The following IQSEC1 variants were observed in gnomAD, a reference collection of about 807,000 sequenced individuals.
IQSEC1 encodes the protein IQ motif and Sec7 domain ArfGEF 1, also known as IQ motif and SEC7 domain-containing protein 1.
IQSEC1 carries 31 observed loss-of-function variants against 91.0 expected under a neutral mutation model. That is an observed-to-expected ratio of 0.34 (90% CI 0.26 to 0.46). IQSEC1 has a LOEUF of 0.46. Among genes scored for constraint, IQSEC1 ranks in the 20% least tolerant of loss-of-function variants. IQSEC1 has a pLI of 1.00. For missense variants in IQSEC1, 1,388 were observed against 1,575.6 expected, an observed-to-expected ratio of 0.88 and a Z score of 2.02; for synonymous variants, 699 against 662.6, an observed-to-expected ratio of 1.05 and a Z score of -0.84.
intron 1 of IQSEC1, among the ~76,000 whole-genome samples, chr3:12,973,267 C>A (rs530267439): frequency 6.6e-6 from 1 of 152,342 alleles, no homozygotes; most frequent in African/African-American, 2.4e-5. Context: ...TCCCAGAATG[C>A]ACCCTGCACT....
rs757939109 is a variant in IQSEC1, at chr3:12,983,974, G to A, written c.24-42109C>T. Among the ~76,000 whole-genome samples the A allele has an allele frequency of 1.3e-5, 2 of 152,152 alleles. No homozygotes were observed. Among genetic ancestry groups the A allele is most frequent in the South Asian group, 4.1e-4 (2 of 4,824 alleles). On this transcript the variant is annotated intron_variant, in intron 1 of 13. Transcript: ENST00000613206. The surrounding 1 kb of genome is among the most constrained non-coding windows in gnomAD (Gnocchi z 4.3). ...AGGGCCTTTCATACGTGGGTTCTGG[G>A]GGATAGTAACATGGTAAACAGATGG... is the stretch of plus-strand genomic sequence containing the variant.
At chr3:12,937,938 A>T (rs560125161) in intron 2 of IQSEC1, among the ~76,000 whole-genome samples, 1 of 152,250 alleles carries the variant, frequency 6.6e-6, no homozygotes, top group Admixed American at 6.5e-5. Context: ...GGGGTGAGCT[A>T]CATGCAGGGA....
chr3:12,997,973 TCCA>T (rs1702283451), intron 1 of IQSEC1, among the ~76,000 whole-genome samples: 1 of 152,236 alleles, frequency 6.6e-6, no homozygotes, highest in Non-Finnish European at 1.5e-5. Context: ...TTCCTTAAAG[TCCA>T]CCAGTGAGGG....
intron 1 of IQSEC1, among the ~76,000 whole-genome samples, chr3:12,980,849 C>T (rs540030550): frequency 6.6e-6 from 1 of 152,344 alleles, no homozygotes; most frequent in Non-Finnish European, 1.5e-5. Flanking sequence ...TGCGTGGATG[C>T]TCCTTCCTGG....
At chr3:13,219,011 AC>A in intron 1 of IQSEC1, among the ~76,000 whole-genome samples, 1 of 152,140 alleles carries the variant, frequency 6.6e-6, no homozygotes, top group Admixed American at 6.5e-5. Flanking sequence ...CGCCACAGCC[AC>A]CCTGGTCCAG....
In IQSEC1 at chr3:12,967,648, C is replaced by G; in HGVS notation, c.24-25783G>C. ...CCGCGGCTCCGGCCCCAAGTCCGAG[C>G]CCCAGGCCAGCCAAGCCCGCCCCTC... On this transcript the variant is annotated intron_variant, in intron 1 of 13. Transcript: ENST00000613206. The surrounding 1 kb of genome is among the most constrained non-coding windows in gnomAD (Gnocchi z 5.9). The G allele has an allele frequency of 2.5e-6, 3 of 1,203,672 alleles. No individual in the cohort carries two copies. Among genetic ancestry groups the G allele is most frequent in the Non-Finnish European group, 3.1e-6 (3 of 971,206 alleles). The allele number at this position is 1,203,672 out of a possible 1,614,324, so 74.6% of individuals were successfully genotyped here.
chr3:13,264,439 C>T (rs1695448763), intron 1 of IQSEC1, among the ~76,000 whole-genome samples: 1 of 152,208 alleles, frequency 6.6e-6, no homozygotes, highest in Admixed American at 6.5e-5. Flanking sequence ...CTTGTGTTCG[C>T]CTGGGTTCCT....
intron 2 of IQSEC1, among the ~76,000 whole-genome samples, chr3:13,134,557 C>T (rs1050774227): frequency 3.9e-5 from 6 of 152,232 alleles, no homozygotes; most frequent in African/African-American, 1.4e-4. Context: ...ATCCGCAGCG[C>T]GAGCCCAGAT....
At chr3:12,938,672 A>G (rs1004107756) in intron 2 of IQSEC1, among the ~76,000 whole-genome samples, 46 of 152,154 alleles carry the variant, frequency 3.0e-4, no homozygotes, top group African/African-American at 1.1e-3. Flanking sequence ...GGATCTAGGA[A>G]GCCTTTCTTC....
chr3:13,210,114 G>C (rs1347098422), intron 1 of IQSEC1, among the ~76,000 whole-genome samples: 5 of 152,176 alleles, frequency 3.3e-5, no homozygotes, highest in Non-Finnish European at 7.4e-5. Flanking sequence ...GAGTTAGTGG[G>C]GAGGCAGCCC....
intron 1 of IQSEC1, among the ~76,000 whole-genome samples, chr3:13,219,942 A>C (rs1053471709): frequency 6.6e-6 from 1 of 152,220 alleles, no homozygotes; most frequent in Non-Finnish European, 1.5e-5. Context: ...TCTCTCTCCC[A>C]GTCACTCCAG....
intron 1 of IQSEC1, among the ~76,000 whole-genome samples, chr3:13,172,319 T>A (rs908585878): frequency 6.6e-6 from 1 of 151,724 alleles, no homozygotes; most frequent in African/African-American, 2.4e-5. Flanking sequence ...ACAGAGGAGG[T>A]CTGTTTTTCA....
chr3:12,988,171 TG>T (rs1427666574), intron 1 of IQSEC1, among the ~76,000 whole-genome samples: 4 of 152,212 alleles, frequency 2.6e-5, no homozygotes, highest in African/African-American at 4.8e-5. Flanking sequence ...CCCAGCACTT[TG>T]GGAGGCCGAG....
In IQSEC1 at chr3:12,900,189, G is replaced by T; in HGVS notation, c.*794C>A. On this transcript the variant is annotated 3_prime_UTR_variant, in exon 14 of 14. Coordinates refer to ENST00000613206, the MANE Select transcript of IQSEC1 (RefSeq NM_001134382.3). ...TAAGGATTTATACAAAGCAATACTGGACTTTTTAAACAGTTAGATGCTATG... is the reference window on the plus strand; with the variant it reads ...TAAGGATTTATACAAAGCAATACTGTACTTTTTAAACAGTTAGATGCTATG... 1 of 975,288 alleles carries T rather than the reference G, an allele frequency of 1.0e-6. No individual in the cohort carries two copies. Among genetic ancestry groups the T allele is most frequent in the South Asian group, 4.7e-5 (1 of 21,104 alleles). 60.4% of individuals were successfully genotyped at this position (975,288 alleles called of 1,614,324 possible).
intron 1 of IQSEC1, among the ~76,000 whole-genome samples, chr3:13,060,118 G>A (rs892332205): frequency 2.6e-5 from 4 of 152,310 alleles, no homozygotes; most frequent in Admixed American, 2.0e-4. Flanking sequence ...ACATCCTTGG[G>A]GGCAGGGGTT....
At chr3:13,184,533 G>A (rs994120898) in intron 1 of IQSEC1, among the ~76,000 whole-genome samples, 10 of 152,112 alleles carry the variant, frequency 6.6e-5, no homozygotes, top group African/African-American at 2.2e-4. Context: ...CCCTAAGATC[G>A]AGAACCGGGC....
At chr3:12,981,909 G>T (rs1701481907) in intron 1 of IQSEC1, among the ~76,000 whole-genome samples, 1 of 152,202 alleles carries the variant, frequency 6.6e-6, no homozygotes, top group Admixed American at 6.5e-5. Context: ...CCCACAAGGG[G>T]CCACTGCTGC....
intron 1 of IQSEC1, among the ~76,000 whole-genome samples, chr3:13,055,088 G>A (rs183650931): frequency 2.6e-5 from 4 of 152,344 alleles, no homozygotes; most frequent in East Asian, 1.9e-4. Context: ...GCCACAGACC[G>A]CCCTGCCTGC....
intron 1 of IQSEC1, among the ~76,000 whole-genome samples, chr3:13,267,974 C>T (rs1695526735): frequency 6.6e-6 from 1 of 152,214 alleles, no homozygotes; most frequent in South Asian, 2.1e-4. Flanking sequence ...AGCTCTCCTC[C>T]AGATCCACCC....
Sources: allele counts gnomAD v4.1 joint callset (sites outside exome capture counted in the v4.1 genomes callset), GRCh38; gene constraint gnomAD v4.1.1; non-coding constraint Gnocchi (gnomAD v3.1); transcripts MANE v1.5; gene names NCBI Gene and HGNC (gene_info 2026-07-23, HGNC 2026-07-21).